The following UNC13C variants were observed in gnomAD, a reference collection of about 807,000 sequenced individuals.
The protein encoded by UNC13C is unc-13 homolog C, also known as protein unc-13 homolog C.
In UNC13C, 174 loss-of-function variants were observed where a neutral mutation model predicts 245.4. That is an observed-to-expected ratio of 0.71 (90% CI 0.63 to 0.80). The LOEUF is 0.80. UNC13C is among the 30% of genes least tolerant of loss of function. The probability of loss-of-function intolerance (pLI) is 0.00; values close to 1 mark genes in which losing one functional copy is unlikely to be tolerated. For missense variants in UNC13C, 2,829 were observed against 2,602.9 expected (o/e 1.09, Z -1.89); for synonymous variants, 992 against 895.1 (o/e 1.11, Z -1.93).
chr15:54,532,888 A>G (rs1895821696), intron 25 of UNC13C, 29 bp from the exon 26 acceptor site: 1 of 1,413,354 alleles, frequency 7.1e-7, no homozygotes, highest in Admixed American at 2.2e-5. Context: ...GTATTCTTAT[A>G]TTTTAGAATT....
chr15:53,928,725 C>A, the UNC13C span, among the ~76,000 whole-genome samples: 2 of 152,166 alleles, frequency 1.3e-5, no homozygotes, highest in Non-Finnish European at 2.9e-5. Context: ...CAGGGATGAG[C>A]TTTCTAAGTG....
chr15:54,307,938 G>T (rs1207131640), intron 13 of UNC13C, among the ~76,000 whole-genome samples: 5 of 151,832 alleles, frequency 3.3e-5, no homozygotes. Flanking sequence ...GAATTTGGGG[G>T]AGCAAGTGTG....
intron 17 of UNC13C, among the ~76,000 whole-genome samples, chr15:54,380,837 T>A (rs985907117): frequency 6.6e-6 from 1 of 152,182 alleles, no homozygotes; most frequent in African/African-American, 2.4e-5. Flanking sequence ...GTTGTTTGAA[T>A]GTCTTACAAA....
At chr15:54,624,546 T>C (rs1901017216) in intron 32 of UNC13C, among the ~76,000 whole-genome samples, 1 of 152,130 alleles carries the variant, frequency 6.6e-6, no homozygotes, top group Admixed American at 6.6e-5. Flanking sequence ...CTAAGTTCAA[T>C]AGGTGGTCCA....
chr15:54,284,505 G>A (rs1393729705), intron 10 of UNC13C, among the ~76,000 whole-genome samples: 1 of 152,078 alleles, frequency 6.6e-6, no homozygotes, highest in African/African-American at 2.4e-5. Flanking sequence ...GTTCACCAGA[G>A]GAGTAGGGAA....
At chr15:54,303,618 T>C (rs939841858) in intron 13 of UNC13C, among the ~76,000 whole-genome samples, 2 of 114,528 alleles carry the variant, frequency 1.7e-5, no homozygotes, top group African/African-American at 6.0e-5. Context: ...AAAAGATAAG[T>C]ATTTTTCTTT....
intron 30 of UNC13C, 84 bp from the exon 31 acceptor site, chr15:54,622,243 T>G: frequency 1.1e-6 from 1 of 903,520 alleles, no homozygotes; most frequent in Admixed American, 1.7e-5. Flanking sequence ...AATAATACAT[T>G]TTATGTTTTT....
chr15:54,591,424 T>G (rs1237596105), intron 30 of UNC13C, among the ~76,000 whole-genome samples: 2 of 152,092 alleles, frequency 1.3e-5, no homozygotes, highest in East Asian at 3.9e-4. Context: ...GGTCCTGGAC[T>G]TTTTTTGTTG....
In UNC13C at chr15:54,393,616, A is replaced by T. The variant is rs534618893; in HGVS notation, c.4847+435A>T. Among the ~76,000 whole-genome samples the T allele has an allele frequency of 9.9e-5, 15 of 152,054 alleles. No homozygotes were observed. The East Asian group carries it at 2.3e-3, about 23-fold the overall frequency. On this transcript the variant is annotated intron_variant, in intron 18 of 32. Coordinates refer to ENST00000260323, the MANE Select transcript of UNC13C (RefSeq NM_001080534.3). ...AATAGATGTGCATATTGATTTAACA[A>T]ATTTAATAACATATTTAATAAAACA...
At chr15:53,906,231 T>G in the UNC13C span, among the ~76,000 whole-genome samples, 2 of 151,918 alleles carry the variant, frequency 1.3e-5, no homozygotes, top group Admixed American at 6.6e-5. Flanking sequence ...GAGGCTGAGG[T>G]GGGAGGATCA....
the UNC13C span, among the ~76,000 whole-genome samples, chr15:53,946,216 G>A: frequency 6.6e-6 from 1 of 152,038 alleles, no homozygotes; most frequent in African/African-American, 2.4e-5. Flanking sequence ...ATATTTGGAT[G>A]CCCTTTATTT....
chr15:54,186,793 T>G (rs1173358927), intron 4 of UNC13C, among the ~76,000 whole-genome samples: 1 of 147,090 alleles, frequency 6.8e-6, no homozygotes, highest in Non-Finnish European at 1.5e-5. Flanking sequence ...TCACTGCCCT[T>G]AATTACCACA....
At chr15:54,632,328 C>A (rs999677498), downstream of UNC13C, 1 of 152,166 alleles carries the variant, frequency 6.6e-6, no homozygotes, top group South Asian at 2.1e-4. Context: ...AAGGTTTTCA[C>A]TTCCATCAAG....
At chr15:54,549,713 C>A in intron 28 of UNC13C, 22 bp downstream of exon 28, 1 of 1,526,608 alleles carries the variant, frequency 6.6e-7, no homozygotes, top group Non-Finnish European at 9.0e-7. Context: ...AAGGAAATTA[C>A]TTATTCATGG....
the UNC13C span, among the ~76,000 whole-genome samples, chr15:53,923,255 A>T: frequency 6.6e-6 from 1 of 152,220 alleles, no homozygotes; most frequent in South Asian, 2.1e-4. Context: ...AGGTAATGTG[A>T]TTATTTTTGT....
chr15:54,034,651 G>A (rs979203356), intron 2 of UNC13C, among the ~76,000 whole-genome samples: 2 of 152,188 alleles, frequency 1.3e-5, no homozygotes, highest in South Asian at 2.1e-4. Flanking sequence ...GTACATTGCT[G>A]TACATTTTAT....
intron 17 of UNC13C, among the ~76,000 whole-genome samples, chr15:54,358,387 AATCTTTAGCTC>A (rs1399608556): frequency 2.0e-5 from 3 of 152,078 alleles, no homozygotes; most frequent in Non-Finnish European, 4.4e-5. Flanking sequence ...GGATAACATT[AATCTTTAGCTC>A]CCTTTGGGTA....
chr15:54,220,273 A>G (rs1196114875), intron 4 of UNC13C, among the ~76,000 whole-genome samples: 9 of 150,846 alleles, frequency 6.0e-5, no homozygotes, highest in African/African-American at 2.0e-4. Context: ...GCCATAAAAA[A>G]TGATGAGTTC....
At chr15:54,061,133 A>G (rs1385460115) in intron 2 of UNC13C, among the ~76,000 whole-genome samples, 1 of 141,068 alleles carries the variant, frequency 7.1e-6, no homozygotes, top group African/African-American at 2.6e-5. Flanking sequence ...TAAAAAAAAA[A>G]GGAATCTAAA....
Sources: gnomAD v4.1 joint callset for allele counts (sites outside exome capture counted in the v4.1 genomes callset) on GRCh38, gnomAD v4.1.1 for gene constraint, MANE v1.5 for transcripts, NCBI Gene and HGNC (gene_info 2026-07-23, HGNC 2026-07-21) for gene names.